Variants in VRK2 observed in about 807,000 individuals in gnomAD.
VRK2 encodes the protein VRK serine/threonine kinase 2, also known as serine/threonine-protein kinase VRK2.
A neutral mutation model predicts 57.6 loss-of-function variants in VRK2; 60 were observed. That is an observed-to-expected ratio of 1.04 (90% CI 0.85 to 1.29). VRK2 has a LOEUF of 1.29. VRK2 is among the 50% of genes most tolerant of loss of function. VRK2 has a pLI of 0.00. For synonymous variants in VRK2, 231 were observed against 199.2 expected, an observed-to-expected ratio of 1.16 and a Z score of -1.35; for missense variants, 705 against 588.1, an observed-to-expected ratio of 1.20 and a Z score of -2.06.
intron 3 of VRK2, among the ~76,000 whole-genome samples, chr2:58,040,236 A>T (rs1558554332): frequency 6.6e-6 from 1 of 152,138 alleles, no homozygotes; most frequent in East Asian, 1.9e-4. Context: ...TTTTTCACTC[A>T]TTTCTAGATC....
At chr2:58,001,377 T>C (rs1673084008) in intron 1 of VRK2, among the ~76,000 whole-genome samples, 1 of 152,220 alleles carries the variant, frequency 6.6e-6, no homozygotes, top group African/African-American at 2.4e-5. Context: ...TCATGCACCC[T>C]AAATCACCAA....
At chr2:57,995,861 C>T (rs1439527743) in intron 1 of VRK2, among the ~76,000 whole-genome samples, 1 of 152,192 alleles carries the variant, frequency 6.6e-6, no homozygotes, top group African/African-American at 2.4e-5. Flanking sequence ...CTTTTACCCA[C>T]CATTGCTTTT....
intron 1 of VRK2, among the ~76,000 whole-genome samples, chr2:57,941,205 T>C (rs902539496): frequency 7.2e-5 from 11 of 152,154 alleles, no homozygotes; most frequent in African/African-American, 2.7e-4. Flanking sequence ...AACTAAGAAA[T>C]CTGTTAATTG....
chr2:58,070,692 T>G (rs542135822), intron 2 of VRK2, among the ~76,000 whole-genome samples: 1 of 152,296 alleles, frequency 6.6e-6, no homozygotes, highest in South Asian at 2.1e-4. Context: ...TATCACAGTT[T>G]GTTTATCCAT....
At chr2:58,033,548 C>T (rs756048477) in exon 3 of VRK2, 1 of 151,972 alleles carries the variant, frequency 6.6e-6, no homozygotes, top group Non-Finnish European at 1.5e-5. Flanking sequence ...TTCTGACCTC[C>T]AGACTGTAAG....
chr2:58,024,912 C>A (rs1047707007), intron 1 of VRK2, among the ~76,000 whole-genome samples: 1 of 152,068 alleles, frequency 6.6e-6, no homozygotes, highest in African/African-American at 2.4e-5. Flanking sequence ...AGGAAAAAAC[C>A]TTTACCAGAA....
chr2:58,044,036 T>A (rs1674573079), upstream of VRK2, among the ~76,000 whole-genome samples: 1 of 152,230 alleles, frequency 6.6e-6, no homozygotes, highest in African/African-American at 2.4e-5. Context: ...CTAAAAAGTT[T>A]GAGATTTAGA....
chr2:58,069,513 C>T (rs946665708), intron 2 of VRK2, among the ~76,000 whole-genome samples: 12 of 152,034 alleles, frequency 7.9e-5, no homozygotes, highest in Admixed American at 4.6e-4. Context: ...TTTTATTTAC[C>T]GTGCCTTGCC....
intron 5 of VRK2, 22 bp downstream of exon 5, chr2:58,086,448 C>G (rs1158035566): frequency 2.6e-6 from 4 of 1,546,948 alleles, no homozygotes; most frequent in South Asian, 2.4e-5. Context: ...TTATTATAAT[C>G]AAATATTTCT....
intron 7 of VRK2, among the ~76,000 whole-genome samples, chr2:58,117,954 A>G (rs1676778057): frequency 6.6e-6 from 1 of 151,824 alleles, no homozygotes; most frequent in East Asian, 1.9e-4. Flanking sequence ...AAGCAGAGAA[A>G]GGGTTGGGGC....
intron 1 of VRK2, among the ~76,000 whole-genome samples, chr2:57,965,765 T>C (rs1164334849): frequency 6.6e-6 from 1 of 152,194 alleles, no homozygotes; most frequent in Non-Finnish European, 1.5e-5. Context: ...ATTCCGAGGC[T>C]GAGTCCAGAC....
At chr2:57,963,888 C>G (rs1006081611) in intron 1 of VRK2, among the ~76,000 whole-genome samples, 1 of 152,138 alleles carries the variant, frequency 6.6e-6, no homozygotes, top group African/African-American at 2.4e-5. Context: ...TGCAAATACA[C>G]CTGTTTGTTT....
In VRK2 at chr2:58,136,890, A is replaced by G. The variant is rs1463624880; in HGVS notation, c.856+1691A>G. Among the ~76,000 whole-genome samples the G allele has an allele frequency of 1.8e-4, 11 of 59,782 alleles. 1 individual carries two copies. Among genetic ancestry groups the G allele is most frequent in the African/African-American group, 9.6e-4 (11 of 11,512 alleles). The allele number at this position is 59,782 out of a possible 152,430, so 39.2% of individuals were successfully genotyped here. ...ATATATCATATATTATATCATATAT[A>G]TGTGTATATATATCATATATATATC... On this transcript the variant is annotated intron_variant, in intron 10 of 12. Coordinates refer to ENST00000340157, the MANE Select transcript of VRK2 (RefSeq NM_006296.7).
intron 1 of VRK2, among the ~76,000 whole-genome samples, chr2:57,997,825 G>A (rs1015461947): frequency 2.0e-5 from 3 of 151,714 alleles, no homozygotes; most frequent in South Asian, 4.1e-4. Flanking sequence ...CTTGAGTTCC[G>A]AAGGCAGAGG....
intron 8 of VRK2, among the ~76,000 whole-genome samples, chr2:58,126,137 A>G (rs774709241): frequency 6.6e-6 from 1 of 152,008 alleles, no homozygotes; most frequent in Non-Finnish European, 1.5e-5. Flanking sequence ...AAAATAAAGT[A>G]CAAAAAGCAA....
intron 9 of VRK2, among the ~76,000 whole-genome samples, chr2:58,134,596 C>A (rs957104358): frequency 4.6e-5 from 6 of 130,668 alleles, no homozygotes; most frequent in African/African-American, 1.9e-4. Context: ...CCGGCCTGGG[C>A]GACAGAGCGA....
Position 58,131,768 on chromosome 2 carries a change from G to T in VRK2, c.677-40G>T, listed in dbSNP as rs567570698. The stretch of plus-strand genomic sequence containing the variant: ...AGATTTCTCCATTTCTCAAGGACTT[G>T]CTTATCCCTTATCTTTCTCTCTAAT... On this transcript the variant is annotated intron_variant, in intron 8 of 12. Transcript: ENST00000340157. The T allele has an allele frequency of 7.6e-5, 118 of 1,545,042 alleles. 3 individuals carry two copies. In the South Asian group the frequency reaches 1.4e-3, roughly 18 times the overall value.
intron 7 of VRK2, among the ~76,000 whole-genome samples, chr2:58,100,686 G>A (rs1673830370): frequency 6.6e-6 from 1 of 151,686 alleles, no homozygotes; most frequent in African/African-American, 2.4e-5. Context: ...CTTTGTCTCA[G>A]TATAACTATC....
Position 58,113,890 on chromosome 2 carries a change from T to G in VRK2, c.544-9211T>G, listed in dbSNP as rs372029575. ...TGCTTCCTTATATTAATAAGAAAAA[T>G]AAAACAAAATAGTGTTGAAGTGTTG... On this transcript the variant is annotated intron_variant, in intron 7 of 12. Coordinates refer to ENST00000340157, the MANE Select transcript of VRK2 (RefSeq NM_006296.7). Among the ~76,000 whole-genome samples the G allele has an allele frequency of 3.3e-4, 50 of 152,048 alleles. No individual in the cohort carries two copies. In the South Asian group the frequency reaches 9.6e-3, roughly 29 times the overall value.
Sources: allele counts gnomAD v4.1 joint callset (sites outside exome capture counted in the v4.1 genomes callset), GRCh38; gene constraint gnomAD v4.1.1; transcripts MANE v1.5; gene names NCBI Gene and HGNC (gene_info 2026-07-23, HGNC 2026-07-21).